Variants in GRIN2A observed in about 807,000 individuals in gnomAD.
The protein encoded by GRIN2A is glutamate ionotropic receptor NMDA type subunit 2A, also known as glutamate receptor ionotropic, NMDA 2A.
GRIN2A carries 22 observed loss-of-function variants against 113.4 expected under a neutral mutation model. That is an observed-to-expected ratio of 0.19 (90% CI 0.14 to 0.28). The LOEUF is 0.28. Ranked by LOEUF, GRIN2A falls within the 10% of genes least tolerant of loss-of-function variation. The pLI, the probability that GRIN2A is intolerant of heterozygous loss-of-function variation, is 1.00. For synonymous variants in GRIN2A, 827 were observed against 738.4 expected (o/e 1.12, Z -1.94); for missense variants, 1,502 against 1,887.0 (o/e 0.80, Z 3.78).
At chr16:10,006,773 C>T (rs976603222) in intron 2 of GRIN2A, among the ~76,000 whole-genome samples, 3 of 152,180 alleles carry the variant, frequency 2.0e-5, no homozygotes, top group African/African-American at 7.2e-5. Context: ...TATTTCCCAG[C>T]ACCCTCTCTC....
At chr16:9,831,137 A>G (rs75436605) in intron 8 of GRIN2A, among the ~76,000 whole-genome samples, 119 of 152,340 alleles carry the variant, frequency 7.8e-4, no homozygotes, top group Middle Eastern at 3.4e-3. Flanking sequence ...TTGCCACAGC[A>G]GATGAGCTGG....
rs376602693 is a variant in GRIN2A at position 10,011,465 on chromosome 16, A to C, written c.415-72914T>G. On this transcript the variant is annotated intron_variant, in intron 2 of 12. Transcript: ENST00000330684. Reference sequence around the variant, plus strand: ...GGTGGGTCCATCAGTCTACGTGTCTACTCTCCCAGGGCCAAGGCGGGACCC... The same window carrying C: ...GGTGGGTCCATCAGTCTACGTGTCTCCTCTCCCAGGGCCAAGGCGGGACCC... Among the ~76,000 whole-genome samples the C allele has an allele frequency of 8.6e-5, 13 of 151,612 alleles. No homozygotes were observed. In the South Asian group the frequency reaches 2.7e-3, roughly 32 times the overall value.
At chr16:9,926,954 C>T (rs1045891368) in intron 3 of GRIN2A, among the ~76,000 whole-genome samples, 8 of 151,278 alleles carry the variant, frequency 5.3e-5, no homozygotes, top group Admixed American at 1.3e-4. Flanking sequence ...GCACACAACA[C>T]AGGTCAATTT....
chr16:9,957,299 GAC>G (rs1418031326), intron 2 of GRIN2A, among the ~76,000 whole-genome samples: 1 of 152,100 alleles, frequency 6.6e-6, no homozygotes, highest in Non-Finnish European at 1.5e-5. Flanking sequence ...CCATGTTCAG[GAC>G]ACACACAGTG....
intron 2 of GRIN2A, among the ~76,000 whole-genome samples, chr16:10,137,418 T>A (rs2049219421): frequency 6.6e-6 from 1 of 152,190 alleles, no homozygotes; most frequent in South Asian, 2.1e-4. Flanking sequence ...CCATCTTAGT[T>A]TGAGCCATAT....
chr16:10,066,719 C>T (rs1167639599), intron 2 of GRIN2A, among the ~76,000 whole-genome samples: 3 of 152,148 alleles, frequency 2.0e-5, no homozygotes, highest in Non-Finnish European at 2.9e-5. Context: ...GGGTTAACCT[C>T]CCAGGAGATT....
At chr16:10,172,585 C>T (rs574057758) in intron 2 of GRIN2A, among the ~76,000 whole-genome samples, 2 of 152,304 alleles carry the variant, frequency 1.3e-5, no homozygotes, top group African/African-American at 2.4e-5. Flanking sequence ...TGTCCTGTCC[C>T]AGGATGGCAG....
rs781324757 is a variant in GRIN2A at position 9,938,414 on chromosome 16, G to A, written c.552C>T (p.Ile184=). The A allele has an allele frequency of 1.2e-6, 2 of 1,613,894 alleles. No homozygotes were observed. Among genetic ancestry groups the A allele is most frequent in the South Asian group, 1.1e-5 (1 of 91,082 alleles). The change falls in exon 3 of 13, where the codon ATC becomes ATT. Residue 184 remains isoleucine, a synonymous_variant. Coordinates refer to ENST00000330684, the MANE Select transcript of GRIN2A (RefSeq NM_001134407.3). The part of the protein sequence containing the change: ...TTIFPGYREF[I]SFVKTTVDNS... ...TGTCCACTGTGGTCTTGACGAAGCT[G>A]ATGAATTCCCTGTAGCCAGGGAAGA...
chr16:9,777,552 G>C (rs1340111489), intron 11 of GRIN2A, among the ~76,000 whole-genome samples: 1 of 152,192 alleles, frequency 6.6e-6, no homozygotes, highest in Non-Finnish European at 1.5e-5. Context: ...AATAGGGCTA[G>C]GCTTAAATGT....
intron 2 of GRIN2A, among the ~76,000 whole-genome samples, chr16:10,007,828 T>G (rs906835882): frequency 6.6e-6 from 1 of 152,148 alleles, no homozygotes; most frequent in Non-Finnish European, 1.5e-5. Flanking sequence ...TATGATTGAC[T>G]TGGAGACACT....
intron 2 of GRIN2A, among the ~76,000 whole-genome samples, chr16:10,164,641 T>C (rs2142335709): frequency 6.6e-6 from 1 of 152,348 alleles, no homozygotes; most frequent in East Asian, 1.9e-4. Flanking sequence ...TGATGAAGAA[T>C]GAATAATCAT....
chr16:9,820,190 T>C (rs1222043475), intron 10 of GRIN2A, among the ~76,000 whole-genome samples: 1 of 152,178 alleles, frequency 6.6e-6, no homozygotes. Context: ...AAACAACCCA[T>C]TTTGTGCTCT....
At chr16:10,121,000 T>A (rs2048822655) in intron 2 of GRIN2A, among the ~76,000 whole-genome samples, 2 of 152,098 alleles carry the variant, frequency 1.3e-5, no homozygotes, top group Non-Finnish European at 2.9e-5. Flanking sequence ...TATTTCTAAT[T>A]CAAAAGCCCA....
chr16:10,014,790 G>T (rs2046571092), intron 2 of GRIN2A, among the ~76,000 whole-genome samples: 1 of 152,156 alleles, frequency 6.6e-6, no homozygotes, highest in African/African-American at 2.4e-5. Flanking sequence ...AGAAGGCCAT[G>T]AACAAAGAGA....
chr16:9,947,561 C>T lies in GRIN2A; in HGVS notation c.415-9010G>A, dbSNP rs144902682. Among the ~76,000 whole-genome samples the T allele has an allele frequency of 3.1e-3, 468 of 152,290 alleles. 4 individuals are homozygous for T. Among genetic ancestry groups the T allele is most frequent in the African/African-American group, 0.011 (444 of 41,562 alleles). ...TGGTAAACATTATCGTCGAAATGTC[C>T]ATTTCAAAAATATCCCAGTGTTCTC... On this transcript the variant is annotated intron_variant, in intron 2 of 12. Coordinates refer to ENST00000330684, the MANE Select transcript of GRIN2A (RefSeq NM_001134407.3).
At chr16:10,043,436 T>G (rs1296797937) in intron 2 of GRIN2A, among the ~76,000 whole-genome samples, 2 of 152,202 alleles carry the variant, frequency 1.3e-5, no homozygotes, top group African/African-American at 4.8e-5. Context: ...AAATGCTCAC[T>G]CGCTACCTCC....
intron 2 of GRIN2A, among the ~76,000 whole-genome samples, chr16:10,172,987 A>G (rs550502445): frequency 6.6e-6 from 1 of 152,126 alleles, no homozygotes; most frequent in South Asian, 2.1e-4. Flanking sequence ...ATCTGAGGCT[A>G]TGAGAAAGAA....
chr16:10,002,200 G>C (rs2046332841), intron 2 of GRIN2A, among the ~76,000 whole-genome samples: 1 of 152,188 alleles, frequency 6.6e-6, no homozygotes, highest in Non-Finnish European at 1.5e-5. Context: ...TACAAGATGA[G>C]GAGGCATCAG....
chr16:9,898,975 T>A (rs1392084287), intron 3 of GRIN2A, among the ~76,000 whole-genome samples: 1 of 152,104 alleles, frequency 6.6e-6, no homozygotes, highest in Admixed American at 6.5e-5. Flanking sequence ...AATTCCCAAC[T>A]CATCCACCTC....
Sources: allele counts gnomAD v4.1 joint callset (sites outside exome capture counted in the v4.1 genomes callset), GRCh38; gene constraint gnomAD v4.1.1; transcripts MANE v1.5; gene names NCBI Gene and HGNC (gene_info 2026-07-23, HGNC 2026-07-21).